Variants in HIPK2 observed in about 807,000 individuals in gnomAD.
The protein encoded by HIPK2 is homeodomain interacting protein kinase 2.
In HIPK2, 27 loss-of-function variants were observed where a neutral mutation model predicts 113.7. The observed-to-expected ratio is 0.24, with a 90% confidence interval of 0.17 to 0.33. The LOEUF is 0.33. Among genes scored for constraint, HIPK2 ranks in the 10% least tolerant of loss-of-function variants. HIPK2 has a pLI of 1.00. For synonymous variants in HIPK2, 631 were observed against 642.2 expected (o/e 0.98, Z 0.26); for missense variants, 1,257 against 1,588.0 (o/e 0.79, Z 3.54).
chr7:139,713,719 A>G (rs1366847621), intron 2 of HIPK2, among the ~76,000 whole-genome samples: 1 of 152,226 alleles, frequency 6.6e-6, no homozygotes, highest in Non-Finnish European at 1.5e-5. Flanking sequence ...TTCACCCTGA[A>G]TTCAGGCCAA....
In HIPK2 at chr7:139,764,424, T is replaced by G. The variant is rs530283182; in HGVS notation, c.19+13181A>C. ...CCTGGGAGGCAAAAATCAATACAAT[T>G]TGGTGATGGGTTAAATGTTAAGTAA... On this transcript the variant is annotated intron_variant, in intron 1 of 14. Transcript: ENST00000406875. Among the ~76,000 whole-genome samples the G allele has an allele frequency of 1.1e-4, 17 of 152,266 alleles. 1 individual carries two copies. The South Asian group carries it at 3.3e-3, about 30-fold the overall frequency.
At chr7:139,759,668 C>T (rs1028808340) in intron 1 of HIPK2, among the ~76,000 whole-genome samples, 7 of 152,066 alleles carry the variant, frequency 4.6e-5, no homozygotes, top group Non-Finnish European at 7.4e-5. Context: ...AAAGTTAAGA[C>T]GTAGAACAAC....
intron 9 of HIPK2, among the ~76,000 whole-genome samples, chr7:139,604,662 C>G (rs1191137643): frequency 8.5e-6 from 1 of 117,342 alleles, no homozygotes; most frequent in Non-Finnish European, 1.6e-5. Flanking sequence ...CCAGCCTGGG[C>G]GACAGAGCGA....
intron 1 of HIPK2, among the ~76,000 whole-genome samples, chr7:139,731,619 A>G (rs1351256149): frequency 6.6e-6 from 1 of 152,160 alleles, no homozygotes; most frequent in Non-Finnish European, 1.5e-5. Flanking sequence ...TATTTCTTTG[A>G]GCATTTCTCT....
In HIPK2 at chr7:139,596,890, G is replaced by A; in HGVS notation, c.2544C>T (p.Ser848=). 6.2e-7 allele frequency: 1 copy of A among 1,613,890 alleles called. No homozygotes were observed. The highest frequency in any genetic ancestry group is 8.5e-7 in the Non-Finnish European group (1 of 1,179,862). The change falls in exon 12 of 15, where the codon AGC becomes AGT. Residue 848 remains serine (S), a synonymous_variant. Transcript: ENST00000406875. Reference sequence around the variant, plus strand: ...AGGTGACCGAGGTGCTGCAGGCCGGGCTACTGTGCACCATGGCACAGCGGG... The same window carrying A: ...AGGTGACCGAGGTGCTGCAGGCCGGACTACTGTGCACCATGGCACAGCGGG... ...TPPRCAMVHS[S]PACSTSVTCG...
chr7:139,699,113 C>T lies in HIPK2; in HGVS notation c.1103+16819G>A, dbSNP rs1794638768. On this transcript the variant is annotated intron_variant, in intron 2 of 14. Transcript: ENST00000406875. Reference sequence around the variant, plus strand: ...TGAGGGCGGCCCAGCCGGCTGCCGACGCACAGTAGCTTGGGCAGCAAGAAC... The same window carrying T: ...TGAGGGCGGCCCAGCCGGCTGCCGATGCACAGTAGCTTGGGCAGCAAGAAC... Among the ~76,000 whole-genome samples, 9 of 152,192 alleles carry T rather than the reference C, an allele frequency of 5.9e-5. No homozygotes were observed. The South Asian group carries it at 8.3e-4, about 14-fold the overall frequency.
chr7:139,706,246 G>A (rs1171203360), intron 2 of HIPK2, among the ~76,000 whole-genome samples: 3 of 152,224 alleles, frequency 2.0e-5, no homozygotes, highest in Non-Finnish European at 4.4e-5. Context: ...GTGGAAAGAC[G>A]AGATGGGAAT....
At chr7:139,750,841 CTT>C (rs907318782) in intron 1 of HIPK2, among the ~76,000 whole-genome samples, 3 of 152,182 alleles carry the variant, frequency 2.0e-5, no homozygotes, top group Non-Finnish European at 4.4e-5. Flanking sequence ...CTAAAAAAAT[CTT>C]TGCTCCTCTT....
chr7:139,609,231 G>C (rs1314070175), intron 9 of HIPK2, among the ~76,000 whole-genome samples: 1 of 152,098 alleles, frequency 6.6e-6, no homozygotes, highest in African/African-American at 2.4e-5. Context: ...GCTCCTTTTA[G>C]GCAGTACCAA....
rs1455038529 is a variant in HIPK2 at position 139,563,962 on chromosome 7, A to T, written c.*8965T>A. 2.5e-6 allele frequency: 1 copy of T among 398,616 alleles called. No homozygotes were observed. Among genetic ancestry groups the T allele is most frequent in the African/African-American group, 2.1e-5 (1 of 48,736 alleles). 24.7% of individuals were successfully genotyped at this position (398,616 alleles called of 1,614,324 possible). Reference sequence around the variant, plus strand: ...TGCCATTCCCCCAGTCTGTTTCTGCATGACAGTGGGGCCCATTCCTGTCTC... The same window carrying T: ...TGCCATTCCCCCAGTCTGTTTCTGCTTGACAGTGGGGCCCATTCCTGTCTC... On this transcript the variant is annotated 3_prime_UTR_variant, in exon 15 of 15. Coordinates refer to ENST00000406875, the MANE Select transcript of HIPK2 (RefSeq NM_022740.5).
rs771100055 is a variant in HIPK2, at chr7:139,596,800, G to A, written c.2634C>T (p.Pro878=). The A allele has an allele frequency of 3.1e-6, 5 of 1,613,978 alleles. No homozygotes were observed. Among genetic ancestry groups the A allele is most frequent in the East Asian group, 4.5e-5 (2 of 44,878 alleles). Residue 878 remains proline (P), a synonymous_variant, in exon 12 of 15, where the codon CCC becomes CCT. Coordinates refer to ENST00000406875, the MANE Select transcript of HIPK2 (RefSeq NM_022740.5). ...CGCTGACCGTGGGGCTGGGAGTGTCGGGAATGACAATTGTCTGCCGCTGCC... is the reference window on the plus strand; with the variant it reads ...CGCTGACCGTGGGGCTGGGAGTGTCAGGAATGACAATTGTCTGCCGCTGCC... ...RERQRQTIVI[P]DTPSPTVSVI...
intron 1 of HIPK2, 105 bp from the exon 2 acceptor site, chr7:139,717,120 A>T: frequency 7.4e-7 from 1 of 1,347,602 alleles, no homozygotes; most frequent in Non-Finnish European, 1.0e-6. Flanking sequence ...CATACAGAAT[A>T]TATTCCTCCC....
At chr7:139,707,011 T>C (rs559559346) in intron 2 of HIPK2, among the ~76,000 whole-genome samples, 2 of 152,272 alleles carry the variant, frequency 1.3e-5, no homozygotes, top group African/African-American at 4.8e-5. Flanking sequence ...ACAGGGGAGT[T>C]AACACCCTGG....
chr7:139,647,046 T>C (rs1801257922), intron 2 of HIPK2, among the ~76,000 whole-genome samples: 2 of 152,154 alleles, frequency 1.3e-5, no homozygotes, highest in Admixed American at 6.5e-5. Context: ...GGCTCCCTCC[T>C]GTGCTCTATT....
At chr7:139,591,211 T>C (rs151163529) in intron 12 of HIPK2, among the ~76,000 whole-genome samples, 4 of 152,336 alleles carry the variant, frequency 2.6e-5, no homozygotes, top group Non-Finnish European at 5.9e-5. Flanking sequence ...TGTGTGTATA[T>C]AAATACACAT....
At chr7:139,652,004 T>C (rs1409389844) in intron 2 of HIPK2, among the ~76,000 whole-genome samples, 1 of 152,332 alleles carries the variant, frequency 6.6e-6, no homozygotes, top group Non-Finnish European at 1.5e-5. Flanking sequence ...CATAACTCAG[T>C]GAATATCTGC....
intron 9 of HIPK2, among the ~76,000 whole-genome samples, chr7:139,611,996 G>C (rs1042531825): frequency 1.3e-5 from 2 of 151,994 alleles, no homozygotes; most frequent in African/African-American, 4.8e-5. Context: ...AAATTCTTAT[G>C]AAAGAGTGAT....
At chr7:139,704,832 C>T (rs554812326) in intron 2 of HIPK2, among the ~76,000 whole-genome samples, 31 of 152,300 alleles carry the variant, frequency 2.0e-4, no homozygotes, top group Middle Eastern at 3.4e-3. Flanking sequence ...ACTCCACCGT[C>T]GGACTACAGG....
At chr7:139,671,957 T>C (rs1466443477) in intron 2 of HIPK2, among the ~76,000 whole-genome samples, 1 of 152,240 alleles carries the variant, frequency 6.6e-6, no homozygotes, top group Non-Finnish European at 1.5e-5. Flanking sequence ...AATTTTTTAA[T>C]TCCTCCCATT....
Sources: gnomAD v4.1 joint callset for allele counts (sites outside exome capture counted in the v4.1 genomes callset) on GRCh38, gnomAD v4.1.1 for gene constraint, MANE v1.5 for transcripts, NCBI Gene and HGNC (gene_info 2026-07-23, HGNC 2026-07-21) for gene names.